CHD7: variants seen among roughly 807,000 people sequenced by gnomAD.
CHD7 encodes ATP-dependent chromatin remodeler CHD7.
A neutral mutation model predicts 307.3 loss-of-function variants in CHD7; 24 were observed. The observed-to-expected ratio is 0.08, with a 90% confidence interval of 0.06 to 0.11. CHD7 has a LOEUF of 0.11. Among genes scored for constraint, CHD7 ranks in the 10% least tolerant of loss-of-function variants. CHD7 has a pLI of 1.00. For missense variants in CHD7, 3,106 were observed against 3,727.1 expected (o/e 0.83, Z 4.34); for synonymous variants, 1,363 against 1,349.9 (o/e 1.01, Z -0.21).
At chr8:60,699,826 A>G (rs1409552813) in intron 1 of CHD7, among the ~76,000 whole-genome samples, 1 of 133,312 alleles carries the variant, frequency 7.5e-6, no homozygotes, top group African/African-American at 2.5e-5. Flanking sequence ...ATAACTTGAT[A>G]TTATTTCTTT....
Position 60,856,782 on chromosome 8 carries a change from C to T in CHD7, c.7502C>T (p.Ser2501Phe). 1 of 1,612,768 alleles carries T rather than the reference C, an allele frequency of 6.2e-7. No individual in the cohort carries two copies. Among genetic ancestry groups the T allele is most frequent in the Non-Finnish European group, 8.5e-7 (1 of 1,179,090 alleles). ...RTPTRHLLNG[S>F]LVDGEPPMKR... Reference sequence around the variant, plus strand: ...CCCACAAGGCATCTCCTTAATGGCTCCCTAGTGGATGGAGAGCCTCCCATG... The same window carrying T: ...CCCACAAGGCATCTCCTTAATGGCTTCCTAGTGGATGGAGAGCCTCCCATG... Residue 2501 changes from serine (S) to phenylalanine (F), a missense_variant, in exon 34 of 38, where the codon TCC becomes TTC. By Grantham distance (155) the Ser-to-Phe change is radical. This residue lies in a region of CHD7 where 1,030 missense variants were observed against 1,165.4 expected (regional missense o/e 0.88). Coordinates refer to ENST00000423902, the MANE Select transcript of CHD7 (RefSeq NM_017780.4).
intron 9 of CHD7, among the ~76,000 whole-genome samples, chr8:60,821,412 G>A (rs968315843): frequency 2.6e-5 from 4 of 152,010 alleles, no homozygotes; most frequent in African/African-American, 9.7e-5. Flanking sequence ...ACTAGGAACA[G>A]CTGTTTATGG....
chr8:60,859,339 C>T (rs923542368), intron 34 of CHD7, among the ~76,000 whole-genome samples: 2 of 152,206 alleles, frequency 1.3e-5, no homozygotes, highest in Non-Finnish European at 2.9e-5. Flanking sequence ...AGCACTCTAA[C>T]TGTGCTGCCA....
intron 4 of CHD7, among the ~76,000 whole-genome samples, chr8:60,799,833 C>T (rs1448282984): frequency 6.6e-6 from 1 of 152,070 alleles, no homozygotes; most frequent in African/African-American, 2.4e-5. Flanking sequence ...TTCCATTTTC[C>T]CAGTTGAAGG....
At position 60,861,190 on chromosome 8, in the gene CHD7, A is replaced by G. The variant is rs1029879591; in HGVS notation, c.7830+65A>G. 28 of 1,243,100 alleles carry G rather than the reference A, an allele frequency of 2.3e-5. No individual in the cohort carries two copies. In the African/African-American group the frequency reaches 3.9e-4, roughly 17 times the overall value. 77.0% of individuals were successfully genotyped at this position (1,243,100 alleles called of 1,614,324 possible). A position where few individuals can be genotyped will look rare whatever the true frequency, so the allele number is the denominator to read the frequency against. ...GGCCGGTCCACTTCATTCCCTTACA[A>G]CATAGAAATCCCTGACAGCTGGTCC... On this transcript the variant is annotated intron_variant, in intron 35 of 37. Coordinates refer to ENST00000423902, the MANE Select transcript of CHD7 (RefSeq NM_017780.4).
chr8:60,717,742 CA>C (rs11302708), intron 1 of CHD7, among the ~76,000 whole-genome samples: 117,572 of 152,038 alleles, frequency 0.77, 45,777 homozygotes, highest in East Asian at 0.94. Flanking sequence ...TGTCCACTGA[CA>C]ATTGTAGTCA....
chr8:60,797,164 T>C (rs1023994662), intron 4 of CHD7, among the ~76,000 whole-genome samples: 1 of 152,228 alleles, frequency 6.6e-6, no homozygotes, highest in Non-Finnish European at 1.5e-5. Flanking sequence ...ACATGTTATG[T>C]ATTAAATAAT....
chr8:60,844,491 G>C (rs541886396), intron 21 of CHD7, among the ~76,000 whole-genome samples: 3 of 152,182 alleles, frequency 2.0e-5, no homozygotes, highest in Non-Finnish European at 4.4e-5. Context: ...TTTTGTCTCA[G>C]ATGGTTGGTC....
At chr8:60,845,139 G>A in intron 22 of CHD7, 76 bp downstream of exon 22, 1 of 1,584,634 alleles carries the variant, frequency 6.3e-7, no homozygotes. Context: ...TGTTGATAAA[G>A]AGATGTGACA....
At chr8:60,746,694 G>A (rs1809346473) in intron 2 of CHD7, among the ~76,000 whole-genome samples, 1 of 152,076 alleles carries the variant, frequency 6.6e-6, no homozygotes, top group African/African-American at 2.4e-5. Flanking sequence ...TCTAGATTAT[G>A]GAACACATTT....
intron 1 of CHD7, among the ~76,000 whole-genome samples, chr8:60,735,987 C>T (rs766873183): frequency 1.6e-4 from 25 of 152,182 alleles, no homozygotes; most frequent in Non-Finnish European, 3.5e-4. Flanking sequence ...CTGGATTACA[C>T]AGCACCGTCA....
intron 3 of CHD7, among the ~76,000 whole-genome samples, chr8:60,791,057 A>G (rs1360841115): frequency 6.6e-6 from 1 of 152,212 alleles, no homozygotes; most frequent in Non-Finnish European, 1.5e-5. Flanking sequence ...GTACACCCAT[A>G]TGGAGAATCT....
Position 60,849,067 on chromosome 8 carries a change from A to T in CHD7, c.5317A>T (p.Ile1773Phe). ...GADSSEADVW[I>F]PEPFHAEVPA... is the part of the protein sequence containing the mutation. ...GTCTTTCAGTGAAGCCGATGTGTGG[A>T]TCCCTGAACCTTTCCATGCTGAAGT... The change falls in exon 25 of 38, where the codon ATC (isoleucine) becomes TTC (phenylalanine). Residue 1773 changes from isoleucine (I) to phenylalanine (F), a missense_variant. Ile to Phe is a conservative substitution (Grantham distance 21, BLOSUM62 0). This residue lies in a region of CHD7 where 1,030 missense variants were observed against 1,165.4 expected (regional missense o/e 0.88). Coordinates refer to ENST00000423902, the MANE Select transcript of CHD7 (RefSeq NM_017780.4). 6.2e-7 allele frequency: 1 copy of T among 1,613,368 alleles called. No individual in the cohort carries two copies. The highest frequency in any genetic ancestry group is 8.5e-7 in the Non-Finnish European group (1 of 1,179,352).
intron 1 of CHD7, among the ~76,000 whole-genome samples, chr8:60,737,391 T>C (rs1015979011): frequency 6.6e-6 from 1 of 152,248 alleles, no homozygotes; most frequent in Non-Finnish European, 1.5e-5. Flanking sequence ...TTCATTCATT[T>C]CTTTCATCTT....
chr8:60,764,622 C>G (rs1190047417), intron 2 of CHD7, among the ~76,000 whole-genome samples: 1 of 152,138 alleles, frequency 6.6e-6, no homozygotes, highest in Non-Finnish European at 1.5e-5. Flanking sequence ...ATCTATTCAG[C>G]CATTCATTCA....
chr8:60,753,198 AT>A (rs1203240329), intron 2 of CHD7, among the ~76,000 whole-genome samples: 2 of 152,178 alleles, frequency 1.3e-5, no homozygotes, highest in Non-Finnish European at 2.9e-5. Flanking sequence ...TTTGTCATCG[AT>A]TTCTCTGAAT....
At position 60,845,314 on chromosome 8, in the gene CHD7, G is replaced by A. The variant is rs191081055; in HGVS notation, c.5115G>A (p.Pro1705=). 44 of 1,613,990 alleles carry A rather than the reference G, an allele frequency of 2.7e-5. 1 individual carries two copies. In the East Asian group the frequency reaches 6.2e-4, roughly 23 times the overall value. ...AGGTGAAAGCCCAGAGCACACAGCCGGTGGTGCAGGATGCCGACTGGCTGG... is the reference window on the plus strand; with the variant it reads ...AGGTGAAAGCCCAGAGCACACAGCCAGTGGTGCAGGATGCCGACTGGCTGG... ...GKKVKAQSTQ[P]VVQDADWLAS... is the part of the protein sequence containing the mutation. The change falls in exon 23 of 38, where the codon CCG becomes CCA. Residue 1705 remains proline (P), a synonymous_variant. Transcript: ENST00000423902.
In CHD7 at chr8:60,853,006, G is replaced by T; in HGVS notation, c.6281G>T (p.Gly2094Val). ...SLDLPEWWEC[G>V]RHDRDLLVGA... ...GATCTGCCAGAGTGGTGGGAGTGTGGACGGCATGACCGAGACTTGCTGGTT... is the reference window on the plus strand; with the variant it reads ...GATCTGCCAGAGTGGTGGGAGTGTGTACGGCATGACCGAGACTTGCTGGTT... The change falls in exon 31 of 38, where the codon GGA becomes GTA. Residue 2094 changes from glycine to valine, a missense_variant. Gly to Val is a moderately radical substitution (Grantham distance 109, BLOSUM62 -3). Coordinates refer to ENST00000423902, the MANE Select transcript of CHD7 (RefSeq NM_017780.4). 1 of 1,614,036 alleles carries T rather than the reference G, an allele frequency of 6.2e-7. No individual in the cohort carries two copies. Among genetic ancestry groups the T allele is most frequent in the Non-Finnish European group, 8.5e-7 (1 of 1,179,902 alleles).
rs764053364 is a variant in CHD7, at chr8:60,841,966, T to G, written c.4764T>G (p.Cys1588Trp). 2.5e-6 allele frequency: 4 copies of G among 1,613,584 alleles called. No individual in the cohort carries two copies. The East Asian group carries it at 8.9e-5, about 36-fold the overall frequency. The change falls in exon 21 of 38, where the codon TGT (cysteine) becomes TGG (tryptophan). Residue 1588 changes from cysteine to tryptophan, a missense_variant. Physicochemically the swap from Cys to Trp is radical, Grantham distance 215. Coordinates refer to ENST00000423902, the MANE Select transcript of CHD7 (RefSeq NM_017780.4). The part of the protein sequence containing the change: ...DLESDSEEKP[C>W]AKPRRPQDKS... ...AAAGTGATTCTGAAGAAAAGCCCTG[T>G]GCAAAGCCACGGCGTCCCCAGGATA...
Sources: allele counts gnomAD v4.1 joint callset (sites outside exome capture counted in the v4.1 genomes callset), GRCh38; gene constraint gnomAD v4.1.1; regional missense constraint gnomAD v4.1.1; transcripts MANE v1.5; gene names NCBI Gene and HGNC (gene_info 2026-07-23, HGNC 2026-07-21).